IDH2: variants seen among roughly 807,000 people sequenced by gnomAD.
The protein encoded by IDH2 is isocitrate dehydrogenase [NADP], mitochondrial.
IDH2 carries 18 observed loss-of-function variants against 50.5 expected under a neutral mutation model. The ratio of observed to expected loss-of-function variants is 0.36; its 90% CI spans 0.25 to 0.53. The LOEUF (loss-of-function observed/expected upper bound fraction) is 0.53, where lower values mean the gene tolerates loss of function less well. Among genes scored for constraint, IDH2 ranks in the 20% least tolerant of loss-of-function variants. The pLI, the probability that IDH2 is intolerant of heterozygous loss-of-function variation, is 0.92. For missense variants in IDH2, 518 were observed against 610.7 expected (o/e 0.85, Z 1.60); for synonymous variants, 280 against 239.8 (o/e 1.17, Z -1.55).
Position 90,087,806 on chromosome 15 carries a change from C to CTTT in IDH2, c.679-234_679-232dup, listed in dbSNP as rs769048437. Among the ~76,000 whole-genome samples, 2,925 of 119,294 alleles carry CTTT rather than the reference C, an allele frequency of 0.025. 192 individuals are homozygous for CTTT. The highest frequency in any genetic ancestry group is 0.074 in the African/African-American group (2,178 of 29,568). 78.3% of individuals were successfully genotyped at this position (119,294 alleles called of 152,430 possible). A position where few individuals can be genotyped will look rare whatever the true frequency, so the allele number is the denominator to read the frequency against. On this transcript the variant is annotated intron_variant, in intron 5 of 10. Transcript: ENST00000330062. ...TTTTTTTTTTTTTGGAAAACACCGCCTTTTTTTTTTTTTTTTTGGAAACAA... is the reference window on the plus strand; with the variant it reads ...TTTTTTTTTTTTTGGAAAACACCGCCTTTTTTTTTTTTTTTTTTTTGGAAACAA...
In IDH2 at chr15:90,098,913, C is replaced by T. The variant is rs1300509976; in HGVS notation, c.115+3363G>A. On this transcript the variant is annotated intron_variant, in intron 1 of 10. Transcript: ENST00000330062. The surrounding 1 kb of genome is among the most constrained non-coding windows in gnomAD (Gnocchi z 5.1). Reference sequence around the variant, plus strand: ...TTCCCTTCTCTCACATCCAAACCACCAAAACCAGAAGCCACCCTCAGACAA... The same window carrying T: ...TTCCCTTCTCTCACATCCAAACCACTAAAACCAGAAGCCACCCTCAGACAA... Among the ~76,000 whole-genome samples the T allele has an allele frequency of 6.6e-6, 1 of 152,118 alleles. No homozygotes were observed. Among genetic ancestry groups the T allele is most frequent in the African/African-American group, 2.4e-5 (1 of 41,406 alleles).
chr15:90,088,853 T>G (rs1900950327), intron 3 of IDH2, 106 bp from the exon 4 acceptor site: 13 of 1,215,672 alleles, frequency 1.1e-5, no homozygotes, highest in Non-Finnish European at 1.5e-5. Context: ...AAATTCTTCA[T>G]GAGGAAGGCA....
chr15:90,088,303 G>C (rs1900926104), intron 5 of IDH2, 56 bp downstream of exon 5: 2 of 1,602,716 alleles, frequency 1.2e-6, no homozygotes, highest in African/African-American at 1.3e-5. Flanking sequence ...CCACGAGACA[G>C]AGATGAAGAG....
At chr15:90,088,271 G>A (rs1900925071) in intron 5 of IDH2, 88 bp downstream of exon 5, 6 of 1,517,668 alleles carry the variant, frequency 4.0e-6, no homozygotes, top group Non-Finnish European at 1.8e-6. Flanking sequence ...TAAGAATGAG[G>A]CCATTACAGA....
In IDH2 at chr15:90,083,701, A is replaced by C. The variant is rs1003841880; in HGVS notation, c.*565T>G. 1 of 179,710 alleles carries C rather than the reference A, an allele frequency of 5.6e-6. No homozygotes were observed. Among genetic ancestry groups the C allele is most frequent in the Non-Finnish European group, 1.2e-5 (1 of 83,290 alleles). The allele number at this position is 179,710 out of a possible 1,614,324, so 11.1% of individuals were successfully genotyped here. A position where few individuals can be genotyped will look rare whatever the true frequency, so the allele number is the denominator to read the frequency against. Reference sequence around the variant, plus strand: ...AGAAAAAAATCAATGACAACCTATCAGGAACTGATTGACTCTCAGAATGGA... The same window carrying C: ...AGAAAAAAATCAATGACAACCTATCCGGAACTGATTGACTCTCAGAATGGA... On this transcript the variant is annotated 3_prime_UTR_variant, in exon 11 of 11. Transcript: ENST00000330062.
chr15:90,098,511 T>TATGTATGCATGC lies in IDH2; in HGVS notation c.115+3764_115+3765insGCATGCATACAT, dbSNP rs1555462225. On this transcript the variant is annotated intron_variant, in intron 1 of 10. Coordinates refer to ENST00000330062, the MANE Select transcript of IDH2 (RefSeq NM_002168.4). The surrounding 1 kb of genome is among the most constrained non-coding windows in gnomAD (Gnocchi z 5.1). Reference sequence around the variant, plus strand: ...AGCAACTTTGTATATTTTATGTATGTATGTATGTATGTATGCATGCATGTA... The same window carrying TATGTATGCATGC: ...AGCAACTTTGTATATTTTATGTATGTATGTATGCATGCATGTATGTATGTATGCATGCATGTA... Among the ~76,000 whole-genome samples, 8 of 139,758 alleles carry TATGTATGCATGC rather than the reference T, an allele frequency of 5.7e-5. No individual in the cohort carries two copies. The highest frequency in any genetic ancestry group is 5.1e-4 in the Admixed American group (7 of 13,756). The allele number at this position is 139,758 out of a possible 152,430, so 91.7% of individuals were successfully genotyped here.
rs1463688670 is a variant in IDH2, at chr15:90,085,248, T to C, written c.1080+27A>G. 3 of 1,539,634 alleles carry C rather than the reference T, an allele frequency of 1.9e-6. No homozygotes were observed. The highest frequency in any genetic ancestry group is 2.7e-6 in the Non-Finnish European group (3 of 1,131,846). ...TTTAGGCCCCTGGGGTAGAGGGGCATTGTGAGGCCCCATGCCCTGCACTCA... is the reference window on the plus strand; with the variant it reads ...TTTAGGCCCCTGGGGTAGAGGGGCACTGTGAGGCCCCATGCCCTGCACTCA... On this transcript the variant is annotated intron_variant, in intron 8 of 10. Coordinates refer to ENST00000330062, the MANE Select transcript of IDH2 (RefSeq NM_002168.4). This position sits in a 1 kb window ranked among gnomAD's most constrained non-coding sequence, Gnocchi z 5.5.
intron 1 of IDH2, among the ~76,000 whole-genome samples, chr15:90,094,137 G>A (rs1901121058): frequency 6.6e-6 from 1 of 152,206 alleles, no homozygotes. Context: ...GACTCAATGA[G>A]GGGCTGATCA....
At chr15:90,088,227 C>T (rs1900923961) in intron 5 of IDH2, 132 bp downstream of exon 5, 1 of 1,184,636 alleles carries the variant, frequency 8.4e-7, no homozygotes, top group South Asian at 1.2e-5. Flanking sequence ...CCACCATGCC[C>T]AGCCCTGGTG....
At position 90,084,761 on chromosome 15, in the gene IDH2, C is replaced by T. The variant is rs1465168036; in HGVS notation, c.1271+55G>A. 2.1e-6 allele frequency: 3 copies of T among 1,437,398 alleles called. No homozygotes were observed. Among genetic ancestry groups the T allele is most frequent in the Non-Finnish European group, 2.9e-6 (3 of 1,024,614 alleles). 89.0% of individuals were successfully genotyped at this position (1,437,398 alleles called of 1,614,324 possible). ...CATGAGGGGGACTTTAGGAGGGGTC[C>T]CCTGGCTTCCTCCCACATGGCCCCA... On this transcript the variant is annotated intron_variant, in intron 10 of 10. Transcript: ENST00000330062. This position sits in a 1 kb window ranked among gnomAD's most constrained non-coding sequence, Gnocchi z 5.0.
intron 1 of IDH2, among the ~76,000 whole-genome samples, chr15:90,092,669 C>T (rs752893462): frequency 1.8e-4 from 27 of 151,956 alleles, no homozygotes; most frequent in African/African-American, 5.1e-4. Flanking sequence ...CTCCGCCTCC[C>T]GAGTTCAAGT....
At position 90,084,743 on chromosome 15, in the gene IDH2, G is replaced by C. The variant is rs902270214; in HGVS notation, c.1271+73C>G. The stretch of plus-strand genomic sequence containing the variant: ...CTTGCAGCTAAGCTGACTCATGAGG[G>C]GGACTTTAGGAGGGGTCCCCTGGCT... On this transcript the variant is annotated intron_variant, in intron 10 of 10. Transcript: ENST00000330062. The surrounding 1 kb of genome is among the most constrained non-coding windows in gnomAD (Gnocchi z 5.0). 3.3e-5 allele frequency: 40 copies of C among 1,216,958 alleles called. 1 individual carries two copies. Among genetic ancestry groups the C allele is most frequent in the Middle Eastern group, 2.0e-4 (1 of 4,880 alleles). 75.4% of individuals were successfully genotyped at this position (1,216,958 alleles called of 1,614,324 possible).
At chr15:90,090,344 G>T in intron 3 of IDH2, 135 bp downstream of exon 3, 1 of 931,558 alleles carries the variant, frequency 1.1e-6, no homozygotes, top group South Asian at 1.5e-5. Context: ...CCTCAGGAAA[G>T]CCCCAGCTCT....
rs1900805449 is a variant in IDH2, at chr15:90,084,496, T to C, written c.1272-143A>G. The C allele has an allele frequency of 3.1e-5, 24 of 782,516 alleles. No homozygotes were observed. In the South Asian group the frequency reaches 3.4e-4, roughly 11 times the overall value. The allele number at this position is 782,516 out of a possible 1,614,324, so 48.5% of individuals were successfully genotyped here. On this transcript the variant is annotated intron_variant, in intron 10 of 10. Transcript: ENST00000330062. This position sits in a 1 kb window ranked among gnomAD's most constrained non-coding sequence, Gnocchi z 5.0. ...CAGACTACAGGCCAGAGGCCAGCTA[T>C]AGCCCCCTACCATGAGGCCACCGAG...
rs1900876671 is a variant in IDH2 at position 90,087,034 on chromosome 15, CA to C, written c.967+77del. The C allele has an allele frequency of 1.6e-5, 25 of 1,529,526 alleles. 1 individual carries two copies. Among genetic ancestry groups the C allele is most frequent in the Middle Eastern group, 4.1e-4 (2 of 4,888 alleles). 94.7% of individuals were successfully genotyped at this position (1,529,526 alleles called of 1,614,324 possible). ...GTCCTGCTCCACTAGAGTTTTCTAC[CA>C]AAAGGGTCTGAAAATCCCTCCAGCC... On this transcript the variant is annotated intron_variant, in intron 7 of 10. Coordinates refer to ENST00000330062, the MANE Select transcript of IDH2 (RefSeq NM_002168.4).
chr15:90,099,435 C>T (rs1057298180), intron 1 of IDH2, among the ~76,000 whole-genome samples: 2 of 152,164 alleles, frequency 1.3e-5, no homozygotes, highest in Non-Finnish European at 2.9e-5. Context: ...TGTGCACACA[C>T]CTTTCTTGCC....
rs1399147457 is a variant in IDH2 at position 90,085,118 on chromosome 15, G to A, written c.1081-20C>T. 2 of 1,610,966 alleles carry A rather than the reference G, an allele frequency of 1.2e-6. No homozygotes were observed. The highest frequency in any genetic ancestry group is 1.7e-6 in the Non-Finnish European group (2 of 1,177,832). Reference sequence around the variant, plus strand: ...CCGGCCCTGGGGACGGGGGTTGCAGGGAGATCAAGAGCCGAGCCAGCTAGT... The same window carrying A: ...CCGGCCCTGGGGACGGGGGTTGCAGAGAGATCAAGAGCCGAGCCAGCTAGT... On this transcript the variant is annotated intron_variant, in intron 8 of 10. Coordinates refer to ENST00000330062, the MANE Select transcript of IDH2 (RefSeq NM_002168.4). The surrounding 1 kb of genome is among the most constrained non-coding windows in gnomAD (Gnocchi z 5.5).
At position 90,090,446 on chromosome 15, in the gene IDH2, C is replaced by A. The variant is rs762994708; in HGVS notation, c.373+33G>T. 4 of 1,610,398 alleles carry A rather than the reference C, an allele frequency of 2.5e-6. No individual in the cohort carries two copies. In the Admixed American group the frequency reaches 6.7e-5, roughly 27 times the overall value. ...AGGCCGGTGGGAGAAGCCTGTGACC[C>A]TCCCTGGCCCGCCCACCTCCACACC... is the stretch of plus-strand genomic sequence containing the variant. On this transcript the variant is annotated intron_variant, in intron 3 of 10. Transcript: ENST00000330062.
At chr15:90,095,704 C>A (rs1901165654) in intron 1 of IDH2, among the ~76,000 whole-genome samples, 1 of 152,198 alleles carries the variant, frequency 6.6e-6, no homozygotes. Flanking sequence ...TCCAGTACCC[C>A]ACTGGGATAC....
Sources: gnomAD v4.1 joint callset for allele counts (sites outside exome capture counted in the v4.1 genomes callset) on GRCh38, gnomAD v4.1.1 for gene constraint, Gnocchi (gnomAD v3.1) non-coding constraint, MANE v1.5 for transcripts, NCBI Gene and HGNC (gene_info 2026-07-23, HGNC 2026-07-21) for gene names.